ENPP6: variants seen among roughly 807,000 people sequenced by gnomAD.
ENPP6 encodes the protein glycerophosphocholine cholinephosphodiesterase ENPP6.
A neutral mutation model predicts 42.0 loss-of-function variants in ENPP6; 32 were observed. The observed-to-expected ratio is 0.76, with a 90% CI of 0.58 to 1.02. The LOEUF is 1.02. Ranked by LOEUF, ENPP6 falls within the 50% of genes least tolerant of loss-of-function variation. The pLI, the probability that ENPP6 is intolerant of heterozygous loss-of-function variation, is 0.00. For missense variants in ENPP6, 552 were observed against 566.8 expected, an observed-to-expected ratio of 0.97 and a Z score of 0.27; for synonymous variants, 213 against 216.0, an observed-to-expected ratio of 0.99 and a Z score of 0.12.
intron 1 of ENPP6, among the ~76,000 whole-genome samples, chr4:184,176,829 A>C (rs1737571505): frequency 6.6e-6 from 1 of 152,248 alleles, no homozygotes; most frequent in Non-Finnish European, 1.5e-5. Flanking sequence ...CTCATACAGA[A>C]GAAACGTGGA....
intron 2 of ENPP6, among the ~76,000 whole-genome samples, chr4:184,131,208 CT>C (rs1206367458): frequency 1.2e-5 from 1 of 84,380 alleles, no homozygotes; most frequent in Admixed American, 1.2e-4. Flanking sequence ...TTTCTTCTTT[CT>C]TTCTTTCTTT....
At chr4:184,133,282 T>G (rs1457686835) in intron 2 of ENPP6, among the ~76,000 whole-genome samples, 1 of 152,166 alleles carries the variant, frequency 6.6e-6, no homozygotes. Context: ...TATAAACATG[T>G]TTTTCCAATT....
chr4:184,191,933 A>T (rs1165094914), intron 1 of ENPP6, among the ~76,000 whole-genome samples: 1 of 152,242 alleles, frequency 6.6e-6, no homozygotes, highest in Non-Finnish European at 1.5e-5. Context: ...CAAAAGAAGT[A>T]CCAAATGTAC....
At chr4:184,114,620 C>A (rs950670184) in intron 5 of ENPP6, among the ~76,000 whole-genome samples, 11 of 152,198 alleles carry the variant, frequency 7.2e-5, no homozygotes, top group African/African-American at 2.7e-4. Flanking sequence ...CTTTTGAATA[C>A]TCTACCAACT....
chr4:184,138,332 A>G (rs759597072), intron 2 of ENPP6, among the ~76,000 whole-genome samples: 6 of 152,236 alleles, frequency 3.9e-5, no homozygotes, highest in Admixed American at 2.6e-4. Flanking sequence ...CCAAAATCAC[A>G]CAGTGATCTA....
At chr4:184,155,948 T>C (rs17584049) in intron 1 of ENPP6, among the ~76,000 whole-genome samples, 82,340 of 152,004 alleles carry the variant, frequency 0.54, 23,020 homozygotes, top group East Asian at 0.87. Flanking sequence ...TATAAGGAGC[T>C]TCTTGTGGAT....
intron 1 of ENPP6, among the ~76,000 whole-genome samples, chr4:184,212,814 C>A (rs1401732821): frequency 6.6e-6 from 1 of 152,046 alleles, no homozygotes; most frequent in African/African-American, 2.4e-5. Flanking sequence ...AAGCTGGAGG[C>A]ATCACACTAC....
chr4:184,202,114 T>C (rs996191949), intron 1 of ENPP6, among the ~76,000 whole-genome samples: 5 of 152,218 alleles, frequency 3.3e-5, no homozygotes, highest in African/African-American at 1.2e-4. Flanking sequence ...TAAGACATGG[T>C]CTCTGATCCC....
At chr4:184,150,693 T>C (rs763698517) in intron 2 of ENPP6, among the ~76,000 whole-genome samples, 2 of 152,200 alleles carry the variant, frequency 1.3e-5, no homozygotes, top group Non-Finnish European at 2.9e-5. Flanking sequence ...GAGAGTTTCA[T>C]TTGAGTATCC....
intron 7 of ENPP6, among the ~76,000 whole-genome samples, chr4:184,092,264 A>T (rs1735817915): frequency 6.6e-6 from 1 of 152,144 alleles, no homozygotes; most frequent in African/African-American, 2.4e-5. Context: ...AGCCATGGCG[A>T]TGGTTTCCTA....
At chr4:184,164,549 CA>C in intron 1 of ENPP6, among the ~76,000 whole-genome samples, 1 of 152,236 alleles carries the variant, frequency 6.6e-6, no homozygotes, top group Non-Finnish European at 1.5e-5. Flanking sequence ...CTCTGTAAAC[CA>C]GACAACACCT....
intron 1 of ENPP6, among the ~76,000 whole-genome samples, chr4:184,208,959 C>A (rs879713375): frequency 1.5e-5 from 2 of 131,206 alleles, no homozygotes; most frequent in African/African-American, 6.7e-5. Flanking sequence ...CTGGGAGGCA[C>A]CCCCCAGCAG....
rs140544182 is a variant in ENPP6 at position 184,091,339 on chromosome 4, G to A, written c.1161C>T (p.Asp387=). 2.5e-5 allele frequency: 41 copies of A among 1,613,542 alleles called. No individual in the cohort carries two copies. Among genetic ancestry groups the A allele is most frequent in the African/African-American group, 5.3e-5 (4 of 75,000 alleles). The change falls in exon 8 of 8, where the codon GAC becomes GAT. Residue 387 remains aspartate, a synonymous_variant. Coordinates refer to ENST00000296741, the MANE Select transcript of ENPP6 (RefSeq NM_153343.4). The part of the protein sequence containing the change: ...NFRAAPIRSV[D]VYNVMCNVVG... ...CCACATTGCACATGACATTGTAGAC[G>A]TCCACCGACCTGATAGGAGCAGCTC...
At chr4:184,169,240 G>C (rs1372633168) in intron 1 of ENPP6, among the ~76,000 whole-genome samples, 1 of 152,124 alleles carries the variant, frequency 6.6e-6, no homozygotes, top group Non-Finnish European at 1.5e-5. Context: ...CCAGGCCAGC[G>C]AGGAGCCGCA....
At chr4:184,097,194 A>G (rs1274923886) in intron 7 of ENPP6, 51 bp downstream of exon 7, 1 of 1,610,290 alleles carries the variant, frequency 6.2e-7, no homozygotes, top group Non-Finnish European at 8.5e-7. Context: ...CCCCTTACAG[A>G]CACTTCCTTG....
chr4:184,169,487 C>T (rs1482813382), intron 1 of ENPP6, among the ~76,000 whole-genome samples: 1 of 152,204 alleles, frequency 6.6e-6, no homozygotes, highest in Non-Finnish European at 1.5e-5. Context: ...GAGCCAGCAG[C>T]CCTCTCTCTG....
At chr4:184,094,253 G>A (rs535696184) in intron 7 of ENPP6, among the ~76,000 whole-genome samples, 5 of 152,156 alleles carry the variant, frequency 3.3e-5, no homozygotes, top group African/African-American at 7.2e-5. Context: ...CTCCAGCCTC[G>A]ATGACAGAGA....
intron 1 of ENPP6, among the ~76,000 whole-genome samples, chr4:184,182,642 A>G (rs1287391625): frequency 1.3e-5 from 2 of 152,234 alleles, no homozygotes; most frequent in Admixed American, 1.3e-4. Context: ...ATAAGAAAAC[A>G]TGGTACATAT....
Position 184,131,140 on chromosome 4 carries a change from A to ACTTTCTTTCTTTCTTTCTTT in ENPP6, c.422-6888_422-6869dup, listed in dbSNP as rs1171459794. ...TTTCAACTTGCTTCCACCAGCACTT[A>ACTTTCTTTCTTTCTTTCTTT]CTTTCTTTCTTTCTTTCTTTCTTTC... is the stretch of plus-strand genomic sequence containing the variant. On this transcript the variant is annotated intron_variant, in intron 2 of 7. Coordinates refer to ENST00000296741, the MANE Select transcript of ENPP6 (RefSeq NM_153343.4). Among the ~76,000 whole-genome samples the ACTTTCTTTCTTTCTTTCTTT allele has an allele frequency of 2.4e-3, 293 of 121,670 alleles. 7 individuals carry two copies. The highest frequency in any genetic ancestry group is 3.9e-3 in the Middle Eastern group (1 of 256). 79.8% of individuals were successfully genotyped at this position (121,670 alleles called of 152,430 possible).
Sources: allele counts gnomAD v4.1 joint callset (sites outside exome capture counted in the v4.1 genomes callset), GRCh38; gene constraint gnomAD v4.1.1; transcripts MANE v1.5; gene names NCBI Gene and HGNC (gene_info 2026-07-23, HGNC 2026-07-21).